TUBGCP5: variants seen among roughly 807,000 people sequenced by gnomAD.
TUBGCP5 encodes the protein gamma-tubulin complex component 5.
Under a neutral mutation model 134.7 loss-of-function variants are expected in TUBGCP5, and 98 were observed. The ratio of observed to expected loss-of-function variants is 0.73; its 90% CI spans 0.62 to 0.86. The LOEUF (loss-of-function observed/expected upper bound fraction) is 0.86. TUBGCP5 is among the 40% of genes least tolerant of loss of function. The pLI is 0.00. For synonymous variants in TUBGCP5, 456 were observed against 431.4 expected (o/e 1.06, Z -0.71); for missense variants, 1,150 against 1,244.8 (o/e 0.92, Z 1.15).
chr15:23,011,348 T>C lies in TUBGCP5; in HGVS notation c.1757-17A>G, dbSNP rs1567120959. On this transcript the variant is annotated splice_polypyrimidine_tract_variant and intron_variant, in intron 13 of 22. Transcript: ENST00000615383. Reference sequence around the variant, plus strand: ...TTTCTGCATCTGAAACATAAAGAAATATGTAAGGTGAACTAAGTTCTGTTT... The same window carrying C: ...TTTCTGCATCTGAAACATAAAGAAACATGTAAGGTGAACTAAGTTCTGTTT... The C allele has an allele frequency of 1.3e-6, 2 of 1,592,510 alleles. No individual in the cohort carries two copies. Among genetic ancestry groups the C allele is most frequent in the Non-Finnish European group, 1.7e-6 (2 of 1,163,980 alleles).
At position 22,999,828 on chromosome 15, in the gene TUBGCP5, G is replaced by C; in HGVS notation, c.3067C>G (p.Gln1023Glu). The change falls in exon 23 of 23, where the codon CAA becomes GAA. Residue 1023 changes from glutamine (Q) to glutamate (E), a missense_variant. Around this residue, in one of 2 missense-constraint regions of TUBGCP5, gnomAD observed 697 missense variants for 850.1 expected, o/e 0.82. Coordinates refer to ENST00000615383, the MANE Select transcript of TUBGCP5 (RefSeq NM_052903.6). ...LALSLMAGME[Q>E]S ...TATTACGCTGAAGACATTTAACTTT[G>C]TTCCATGCCAGCCATGAGTGACAAC... 1 of 1,613,816 alleles carries C rather than the reference G, an allele frequency of 6.2e-7. No individual in the cohort carries two copies. Among genetic ancestry groups the C allele is most frequent in the Non-Finnish European group, 8.5e-7 (1 of 1,179,752 alleles).
chr15:22,991,243 G>A (rs911971874), intron 23 of TUBGCP5, among the ~76,000 whole-genome samples: 3 of 151,950 alleles, frequency 2.0e-5, no homozygotes, highest in Non-Finnish European at 2.9e-5. Flanking sequence ...GATTACAGGC[G>A]CACACCACCA....
At chr15:23,031,121 G>A in intron 5 of TUBGCP5, 101 bp from the exon 6 acceptor site, 1 of 1,255,676 alleles carries the variant, frequency 8.0e-7, no homozygotes, top group Non-Finnish European at 1.1e-6. Flanking sequence ...CAAAAACTTT[G>A]AAGCAACATG....
intron 21 of TUBGCP5, among the ~76,000 whole-genome samples, chr15:23,002,053 C>T (rs988018705): frequency 8.4e-6 from 1 of 119,676 alleles, no homozygotes. Context: ...ATTTTTCTCA[C>T]ATTTATTTGT....
At chr15:22,990,244 CCCCCTCCTCTT>C (rs201087717) in intron 23 of TUBGCP5, among the ~76,000 whole-genome samples, 2,573 of 151,978 alleles carry the variant, frequency 0.017, 38 homozygotes, top group Non-Finnish European at 0.025. Flanking sequence ...TCCCACTCCT[CCCCCTCCTCTT>C]CCCCTCCTCT....
rs2065142162 is a variant in TUBGCP5, at chr15:23,013,327, C to A, written c.1757-1996G>T. Reference sequence around the variant, plus strand: ...AATTAGCCGGGCACGGTGGTGTGCGCCTGTAGTCCCAGCTGCTGGGGAGGC... The same window carrying A: ...AATTAGCCGGGCACGGTGGTGTGCGACTGTAGTCCCAGCTGCTGGGGAGGC... On this transcript the variant is annotated intron_variant, in intron 13 of 22. Coordinates refer to ENST00000615383, the MANE Select transcript of TUBGCP5 (RefSeq NM_052903.6). This position sits in a 1 kb window ranked among gnomAD's most constrained non-coding sequence, Gnocchi z 4.5. Among the ~76,000 whole-genome samples, 1 of 151,928 alleles carries A rather than the reference C, an allele frequency of 6.6e-6. No homozygotes were observed. The highest frequency in any genetic ancestry group is 1.5e-5 in the Non-Finnish European group (1 of 67,968).
At chr15:23,000,056 A>C (rs2064281710) in intron 22 of TUBGCP5, among the ~76,000 whole-genome samples, 190 bp from the exon 23 acceptor site, 1 of 152,074 alleles carries the variant, frequency 6.6e-6, no homozygotes, top group Non-Finnish European at 1.5e-5. Flanking sequence ...GATTTCAGGC[A>C]TGTGCCACCA....
intron 13 of TUBGCP5, among the ~76,000 whole-genome samples, chr15:23,011,615 C>T (rs909138856): frequency 6.7e-6 from 1 of 149,378 alleles, no homozygotes; most frequent in South Asian, 2.1e-4. Context: ...AACAATTCTC[C>T]TGCCTCAGCC....
chr15:22,992,208 C>A (rs1476185401), intron 23 of TUBGCP5, among the ~76,000 whole-genome samples: 1 of 152,132 alleles, frequency 6.6e-6, no homozygotes, highest in Non-Finnish European at 1.5e-5. Flanking sequence ...GATCCTGTGG[C>A]TCCCGAAGGA....
At chr15:23,033,145 G>T (rs1471610257) in intron 3 of TUBGCP5, among the ~76,000 whole-genome samples, 3 of 152,034 alleles carry the variant, frequency 2.0e-5, no homozygotes, top group Admixed American at 1.3e-4. Flanking sequence ...ATTCTCCTGT[G>T]GCAATATGTA....
Position 23,005,616 on chromosome 15 carries a change from A to C in TUBGCP5, c.2534-6T>G. On this transcript the variant is annotated splice_region_variant and splice_polypyrimidine_tract_variant and intron_variant, in intron 18 of 22. Coordinates refer to ENST00000615383, the MANE Select transcript of TUBGCP5 (RefSeq NM_052903.6). ...TTCTGCAGTACTAACCAGTTCTATA[A>C]AACATTGGAAGAGCAAAGTGGACAG... is the stretch of plus-strand genomic sequence containing the variant. The C allele has an allele frequency of 6.2e-7, 1 of 1,610,064 alleles. No individual in the cohort carries two copies. The highest frequency in any genetic ancestry group is 8.5e-7 in the Non-Finnish European group (1 of 1,177,438).
chr15:22,993,525 G>GTTTTTTTCT (rs2063925318), intron 23 of TUBGCP5, among the ~76,000 whole-genome samples: 1 of 69,288 alleles, frequency 1.4e-5, no homozygotes, highest in African/African-American at 6.0e-5. Flanking sequence ...AGCCCCCGAA[G>GTTTTTTTCT]TTTTTTTTTT....
At chr15:23,004,254 AT>A (rs2064571391) in intron 19 of TUBGCP5, 27 bp from the exon 20 acceptor site, 4 of 1,602,040 alleles carry the variant, frequency 2.5e-6, no homozygotes, top group Non-Finnish European at 2.5e-6. Flanking sequence ...AAAAAGCTTC[AT>A]CAGCAGCCTT....
chr15:22,991,607 A>C (rs865840398), intron 23 of TUBGCP5, among the ~76,000 whole-genome samples: 14 of 152,270 alleles, frequency 9.2e-5, no homozygotes, highest in East Asian at 3.9e-4. Context: ...TACACTGTTA[A>C]CACCACCATG....
intron 14 of TUBGCP5, 66 bp from the exon 15 acceptor site, chr15:23,010,199 AC>A: frequency 6.7e-7 from 1 of 1,488,336 alleles, no homozygotes; most frequent in Non-Finnish European, 9.1e-7. Flanking sequence ...TTAAATCAAA[AC>A]CCTGAAGTTC....
At chr15:23,007,638 C>T (rs111535589) in intron 16 of TUBGCP5, among the ~76,000 whole-genome samples, 10,926 of 152,170 alleles carry the variant, frequency 0.072, 482 homozygotes, top group Non-Finnish European at 0.094. Context: ...GAGGACAGCA[C>T]TAGCAGACAC....
intron 23 of TUBGCP5, among the ~76,000 whole-genome samples, chr15:22,991,866 C>T (rs1322774304): frequency 2.0e-5 from 3 of 152,138 alleles, no homozygotes; most frequent in African/African-American, 7.2e-5. Flanking sequence ...TTATGATGAT[C>T]TGATTAGTCA....
chr15:23,007,968 C>G (rs926703311), intron 16 of TUBGCP5, among the ~76,000 whole-genome samples: 2 of 152,062 alleles, frequency 1.3e-5, no homozygotes, highest in African/African-American at 4.8e-5. Context: ...CTCTAGGAGG[C>G]AGGACTGAAA....
chr15:23,030,858 A>G (rs1038778423), intron 6 of TUBGCP5, 27 bp downstream of exon 6: 3 of 1,598,018 alleles, frequency 1.9e-6, no homozygotes, highest in Non-Finnish European at 2.6e-6. Flanking sequence ...CTATTAGAAA[A>G]TGCGAGCACC....
Sources: allele counts gnomAD v4.1 joint callset (sites outside exome capture counted in the v4.1 genomes callset), GRCh38; gene constraint gnomAD v4.1.1; regional missense constraint gnomAD v4.1.1; non-coding constraint Gnocchi (gnomAD v3.1); transcripts MANE v1.5; gene names NCBI Gene and HGNC (gene_info 2026-07-23, HGNC 2026-07-21).